FAAP20: variants seen among roughly 807,000 people sequenced by gnomAD.
FAAP20 encodes the protein FA core complex associated protein 20, also known as Fanconi anemia core complex-associated protein 20.
In FAAP20, 12 loss-of-function variants were observed where a neutral mutation model predicts 16.2. The observed-to-expected ratio is 0.74, with a 90% confidence interval of 0.48 to 1.20. The LOEUF (loss-of-function observed/expected upper bound fraction) is 1.20, where lower values mean the gene tolerates loss of function less well. FAAP20 is among the 50% of genes most tolerant of loss of function. The probability of loss-of-function intolerance (pLI) is 0.00; values close to 1 mark genes in which losing one functional copy is unlikely to be tolerated. For missense variants in FAAP20, 288 were observed against 245.8 expected, an observed-to-expected ratio of 1.17 and a Z score of -1.15; for synonymous variants, 141 against 110.7, an observed-to-expected ratio of 1.27 and a Z score of -1.72.
downstream of FAAP20, chr1:2,185,400 C>T (rs185222252): frequency 5.7e-5 from 41 of 718,854 alleles, no homozygotes; most frequent in East Asian, 1.1e-3. Context: ...GTGGAAGCTC[C>T]TCTGATGCCT....
Position 2,189,733 on chromosome 1 carries a change from T to C in FAAP20, c.519A>G (p.Glu173=). Residue 173 remains glutamate, a synonymous_variant, in exon 4 of 4, where the codon GAA becomes GAG. Coordinates refer to ENST00000378546, the MANE Select transcript of FAAP20 (RefSeq NM_182533.4). ...VDSHLAQCLA[E]STEDVTW ...CTCACCACGTCACGTCTTCTGTGCT[T>C]TCGGCCAAGCACTGGGCCAGGTGGC... 1 of 1,611,362 alleles carries C rather than the reference T, an allele frequency of 6.2e-7. No individual in the cohort carries two copies. The highest frequency in any genetic ancestry group is 8.5e-7 in the Non-Finnish European group (1 of 1,178,826).
At chr1:2,186,171 C>T (rs551258916), downstream of FAAP20, 16 of 422,848 alleles carry the variant, frequency 3.8e-5, no homozygotes, top group Admixed American at 2.0e-4. Context: ...GAAATTGCCA[C>T]GCAGCCCTCT....
chr1:2,187,491 A>T (rs1687732718), downstream of FAAP20, among the ~76,000 whole-genome samples: 1 of 151,032 alleles, frequency 6.6e-6, no homozygotes, highest in South Asian at 2.1e-4. Flanking sequence ...TTTAGTAGAG[A>T]CGGGGTTTCA....
At chr1:2,186,868 C>T (rs777305588), downstream of FAAP20, 13 of 173,546 alleles carry the variant, frequency 7.5e-5, no homozygotes, top group Non-Finnish European at 5.0e-5. Context: ...AGTAGCGTGC[C>T]GGTTACCAGT....
At chr1:2,186,468 T>TCC (rs1221372850), downstream of FAAP20, among the ~76,000 whole-genome samples, 2 of 137,228 alleles carry the variant, frequency 1.5e-5, no homozygotes, top group Non-Finnish European at 3.2e-5. Context: ...GCCGGCCCAT[T>TCC]CCCCCCGGCC....
chr1:2,211,426 TATATATA>T (rs1689439568), downstream of FAAP20, among the ~76,000 whole-genome samples: 2 of 32,834 alleles, frequency 6.1e-5, no homozygotes, highest in Admixed American at 3.4e-4. Flanking sequence ...TATATATATA[TATATATA>T]TATTTTTTTT....
chr1:2,186,516 G>T, downstream of FAAP20, among the ~76,000 whole-genome samples: 1 of 94,296 alleles, frequency 1.1e-5, no homozygotes, highest in Non-Finnish European at 2.2e-5. Context: ...GGCCAGCTCA[G>T]GCTTCTAGGT....
upstream of FAAP20, chr1:2,203,353 C>A: frequency 1.1e-6 from 1 of 924,930 alleles, no homozygotes; most frequent in Non-Finnish European, 1.3e-6. Context: ...GCTCTCTGGA[C>A]ACCCCTCCGC....
In FAAP20 at chr1:2,189,929, C is replaced by T. The variant is rs1488932094; in HGVS notation, c.471-148G>A. ...AAGGGACGGGGCCACCCCAGGGGCT[C>T]ATGCACCCGGCAGACCACGGTAACC... On this transcript the variant is annotated intron_variant, in intron 3 of 3. Coordinates refer to ENST00000378546, the MANE Select transcript of FAAP20 (RefSeq NM_182533.4). 7 of 684,634 alleles carry T rather than the reference C, an allele frequency of 1.0e-5. No individual in the cohort carries two copies. In the East Asian group the frequency reaches 1.4e-4, roughly 13 times the overall value. The allele number at this position is 684,634 out of a possible 1,614,324, so 42.4% of individuals were successfully genotyped here. A position where few individuals can be genotyped will look rare whatever the true frequency, so the allele number is the denominator to read the frequency against.
At chr1:2,208,453 A>T (rs74925221), downstream of FAAP20, among the ~76,000 whole-genome samples, 3 of 152,132 alleles carry the variant, frequency 2.0e-5, no homozygotes. Flanking sequence ...TCCAAGTTAA[A>T]CATTACTCAT....
chr1:2,210,905 G>A (rs1015171312), downstream of FAAP20, among the ~76,000 whole-genome samples: 1 of 152,244 alleles, frequency 6.6e-6, no homozygotes. Flanking sequence ...GCAAGCTGGC[G>A]ATTGCTGCGG....
chr1:2,199,034 A>G (rs746182059), upstream of FAAP20: 7 of 1,240,970 alleles, frequency 5.6e-6, no homozygotes, highest in South Asian at 9.5e-5. The surrounding 1 kb of genome is among the most constrained non-coding windows in gnomAD (Gnocchi z 4.5). Context: ...GGGCACCGAC[A>G]GCCTCCTCAC....
Position 2,189,776 on chromosome 1 carries a change from G to C in FAAP20, c.476C>G (p.Thr159Ser). 1 of 1,612,118 alleles carries C rather than the reference G, an allele frequency of 6.2e-7. No individual in the cohort carries two copies. The highest frequency in any genetic ancestry group is 8.5e-7 in the Non-Finnish European group (1 of 1,179,106). ...CAGGTGGCTGTCAACATCCAGCTGG[G>C]TCAGCCTGCAAGGGAGGGGCCACAC... ...MCQKEFAPRL[T>S]QLDVDSHLAQ... Residue 159 changes from threonine to serine, a missense_variant, in exon 4 of 4, where the codon ACC becomes AGC. Physicochemically the swap from Thr to Ser is moderately conservative, Grantham distance 58. Transcript: ENST00000378546.
intron 3 of FAAP20, chr1:2,191,688 C>T: frequency 3.4e-6 from 1 of 294,878 alleles, no homozygotes; most frequent in Non-Finnish European, 5.0e-6. Context: ...TTGCAGTGAG[C>T]CGAGATCATG....
Position 2,193,833 on chromosome 1 carries a change from C to A in FAAP20, c.276G>T (p.Pro92=). 6.2e-7 allele frequency: 1 copy of A among 1,611,522 alleles called. No homozygotes were observed. Residue 92 remains proline (P), a synonymous_variant, in exon 3 of 4, where the codon CCG becomes CCT. Coordinates refer to ENST00000378546, the MANE Select transcript of FAAP20 (RefSeq NM_182533.4). The part of the protein sequence containing the change: ...PKTFSWTPFP[P]DLWGPGRSYR... Reference sequence around the variant, plus strand: ...AGGAACGGCCCGGGCCCCACAGGTCCGGCGGAAAGGGTGTCCAGGAAAAGG... The same window carrying A: ...AGGAACGGCCCGGGCCCCACAGGTCAGGCGGAAAGGGTGTCCAGGAAAAGG...
chr1:2,197,023 C>A (rs1021064562), upstream of FAAP20, among the ~76,000 whole-genome samples: 1 of 152,154 alleles, frequency 6.6e-6, no homozygotes, highest in African/African-American at 2.4e-5. Flanking sequence ...TCCTCTATGG[C>A]CCCCACATGG....
At chr1:2,188,732 G>A (rs892996019), downstream of FAAP20, among the ~76,000 whole-genome samples, 5 of 152,186 alleles carry the variant, frequency 3.3e-5, no homozygotes, top group Admixed American at 1.3e-4. Context: ...ATGGTGGAGC[G>A]CGGTGGCTCA....
chr1:2,209,949 A>C (rs1689391137), downstream of FAAP20, among the ~76,000 whole-genome samples: 1 of 152,196 alleles, frequency 6.6e-6, no homozygotes, highest in African/African-American at 2.4e-5. Flanking sequence ...CTGGGCACTG[A>C]AACGCTCACG....
chr1:2,200,873 AG>A, upstream of FAAP20: 1 of 1,074,118 alleles, frequency 9.3e-7, no homozygotes, highest in Non-Finnish European at 1.1e-6. Flanking sequence ...GCAGGTGGAG[AG>A]GGTGGCTGGG....
Sources: allele counts gnomAD v4.1 joint callset (sites outside exome capture counted in the v4.1 genomes callset), GRCh38; gene constraint gnomAD v4.1.1; non-coding constraint Gnocchi (gnomAD v3.1); transcripts MANE v1.5; gene names NCBI Gene and HGNC (gene_info 2026-07-23, HGNC 2026-07-21).